Variants in SYNPR observed in about 807,000 individuals in gnomAD.
SYNPR encodes the protein synaptoporin.
A neutral mutation model predicts 32.9 loss-of-function variants in SYNPR; 23 were observed. The ratio of observed to expected loss-of-function variants is 0.70; its 90% CI spans 0.50 to 0.99. The LOEUF is 0.99. Among genes scored for constraint, SYNPR ranks in the 50% least tolerant of loss-of-function variants. The pLI, the probability that SYNPR is intolerant of heterozygous loss-of-function variation, is 0.00. For missense variants in SYNPR, 318 were observed against 349.3 expected, an observed-to-expected ratio of 0.91 and a Z score of 0.71; for synonymous variants, 146 against 135.9, an observed-to-expected ratio of 1.07 and a Z score of -0.52.
chr3:63,246,436 A>G (rs2086291173), intron 1 of SYNPR, among the ~76,000 whole-genome samples: 1 of 152,066 alleles, frequency 6.6e-6, no homozygotes, highest in Non-Finnish European at 1.5e-5. Context: ...CTGGCACTGG[A>G]GGTGCAGTGA....
At chr3:63,322,793 A>C (rs764336340) in intron 2 of SYNPR, among the ~76,000 whole-genome samples, 1 of 152,116 alleles carries the variant, frequency 6.6e-6, no homozygotes, top group Non-Finnish European at 1.5e-5. Flanking sequence ...AAATGTAAAC[A>C]TATACAAAGG....
At chr3:63,445,548 A>G (rs1348063733) in intron 2 of SYNPR, 2 of 701,052 alleles carry the variant, frequency 2.9e-6, no homozygotes, top group South Asian at 3.0e-5. Context: ...TTTTAGCATA[A>G]TGAAGAATGC....
chr3:63,269,260 G>A (rs1433375701), intron 3 of SYNPR, among the ~76,000 whole-genome samples: 1 of 152,126 alleles, frequency 6.6e-6, no homozygotes, highest in Non-Finnish European at 1.5e-5. Context: ...AGGCCAAGGT[G>A]GATGGATCAC....
At chr3:63,298,553 C>T (rs367547779) in intron 2 of SYNPR, among the ~76,000 whole-genome samples, 84 of 152,204 alleles carry the variant, frequency 5.5e-4, no homozygotes, top group African/African-American at 1.8e-3. Context: ...CCTGAGCAGC[C>T]TTGAGCAATG....
intron 2 of SYNPR, among the ~76,000 whole-genome samples, chr3:63,309,602 T>A (rs1009603219): frequency 1.3e-5 from 2 of 152,046 alleles, no homozygotes; most frequent in African/African-American, 2.4e-5. Context: ...AAGACCCTTC[T>A]GGGTCTTCTA....
At chr3:63,569,960 G>C (rs1048161081) in intron 4 of SYNPR, among the ~76,000 whole-genome samples, 1 of 152,186 alleles carries the variant, frequency 6.6e-6, no homozygotes, top group Non-Finnish European at 1.5e-5. Context: ...AGTCGGCCTT[G>C]GGGAGCTTCT....
chr3:63,539,140 G>T (rs1702257739), intron 3 of SYNPR, among the ~76,000 whole-genome samples: 1 of 152,010 alleles, frequency 6.6e-6, no homozygotes, highest in African/African-American at 2.4e-5. Flanking sequence ...GTTTCAGTTT[G>T]AAGTTTTTGC....
chr3:63,595,833 T>TTATA (rs529010294), intron 4 of SYNPR, among the ~76,000 whole-genome samples: 2 of 56,320 alleles, frequency 3.6e-5, no homozygotes, highest in African/African-American at 9.1e-5. Flanking sequence ...ATATATATAG[T>TTATA]TATATATATA....
intron 2 of SYNPR, among the ~76,000 whole-genome samples, chr3:63,427,774 T>C (rs1025762276): frequency 2.0e-5 from 3 of 152,214 alleles, no homozygotes; most frequent in African/African-American, 7.2e-5. Flanking sequence ...CCTCTGGATA[T>C]GTGGCTTGAG....
chr3:63,207,847 C>T, the SYNPR span, among the ~76,000 whole-genome samples: 1 of 151,964 alleles, frequency 6.6e-6, no homozygotes, highest in Non-Finnish European at 1.5e-5. Context: ...CTTTAATGAA[C>T]CTAAAATAAT....
intron 3 of SYNPR, among the ~76,000 whole-genome samples, chr3:63,512,446 G>A (rs1271984126): frequency 6.6e-6 from 1 of 152,168 alleles, no homozygotes; most frequent in Non-Finnish European, 1.5e-5. Context: ...TAAAGTTGCA[G>A]ATGGAATTAT....
chr3:63,493,086 T>A (rs1407473109), intron 3 of SYNPR, among the ~76,000 whole-genome samples: 1 of 152,102 alleles, frequency 6.6e-6, no homozygotes, highest in African/African-American at 2.4e-5. Flanking sequence ...GGACATGCTT[T>A]GCGTCCCCTC....
At chr3:63,361,459 A>G (rs932541390) in intron 2 of SYNPR, among the ~76,000 whole-genome samples, 10 of 152,044 alleles carry the variant, frequency 6.6e-5, no homozygotes, top group East Asian at 1.9e-4. Flanking sequence ...TTAGCTGGGC[A>G]TGGTGGCGGG....
intron 2 of SYNPR, among the ~76,000 whole-genome samples, chr3:63,262,510 T>G (rs1348898810): frequency 1.3e-5 from 2 of 151,922 alleles, no homozygotes; most frequent in African/African-American, 4.9e-5. Flanking sequence ...TGTGATACTG[T>G]ATCCTTCCAG....
At chr3:63,540,930 A>AACACACACACACACACACACACAC (rs58295090) in intron 3 of SYNPR, among the ~76,000 whole-genome samples, 7 of 122,850 alleles carry the variant, frequency 5.7e-5, no homozygotes, top group Admixed American at 2.6e-4. Flanking sequence ...TCCCCCCCCC[A>AACACACACACACACACACACACAC]ACACACACAC....
intron 2 of SYNPR, among the ~76,000 whole-genome samples, chr3:63,340,112 C>T (rs926059798): frequency 6.6e-6 from 1 of 152,150 alleles, no homozygotes; most frequent in South Asian, 2.1e-4. Context: ...GAGGTTTTCA[C>T]TCAGCATAAT....
rs187293483 is a variant in SYNPR at position 63,464,655 on chromosome 3, G to C, written c.85-16177G>C. Among the ~76,000 whole-genome samples the C allele has an allele frequency of 4.0e-5, 6 of 151,778 alleles. No individual in the cohort carries two copies. The East Asian group carries it at 1.2e-3, about 29-fold the overall frequency. The stretch of plus-strand genomic sequence containing the variant: ...GTTTTCATCAGACACATACTTTCTG[G>C]GCAACTACTACTTGCAAGGCACTTC... On this transcript the variant is annotated intron_variant, in intron 2 of 5. Transcript: ENST00000478300.
At chr3:63,494,636 A>G (rs192591427) in intron 3 of SYNPR, among the ~76,000 whole-genome samples, 2 of 151,834 alleles carry the variant, frequency 1.3e-5, no homozygotes, top group African/African-American at 2.4e-5. Context: ...TGGAAATCAC[A>G]TAACACATAT....
At chr3:63,320,184 C>A (rs2106966644) in intron 2 of SYNPR, among the ~76,000 whole-genome samples, 1 of 152,022 alleles carries the variant, frequency 6.6e-6, no homozygotes, top group East Asian at 2.0e-4. Flanking sequence ...CTCCTGGGCT[C>A]AAGTGATCCT....
Sources: allele counts gnomAD v4.1 joint callset (sites outside exome capture counted in the v4.1 genomes callset), GRCh38; gene constraint gnomAD v4.1.1; transcripts MANE v1.5; gene names NCBI Gene and HGNC (gene_info 2026-07-23, HGNC 2026-07-21).